DTNBP1: variants seen among roughly 807,000 people sequenced by gnomAD.
DTNBP1 encodes dystrobrevin binding protein 1, also known as dysbindin.
DTNBP1 carries 35 observed loss-of-function variants against 42.8 expected under a neutral mutation model. The ratio of observed to expected loss-of-function variants is 0.82; its 90% confidence interval spans 0.63 to 1.09. The LOEUF (loss-of-function observed/expected upper bound fraction) is 1.09, where lower values mean the gene tolerates loss of function less well. Among genes scored for constraint, DTNBP1 ranks in the 50% least tolerant of loss-of-function variants. The pLI is 0.00. For missense variants in DTNBP1, 457 were observed against 424.2 expected (o/e 1.08, Z -0.68); for synonymous variants, 171 against 162.2 (o/e 1.05, Z -0.41).
At chr6:15,579,907 C>A in intron 7 of DTNBP1, 1 of 450,720 alleles carries the variant, frequency 2.2e-6, no homozygotes. Context: ...ACTCATTACA[C>A]ATTACATATA....
chr6:15,579,678 G>A (rs1302785061), intron 7 of DTNBP1, among the ~76,000 whole-genome samples: 5 of 152,110 alleles, frequency 3.3e-5, no homozygotes, highest in African/African-American at 7.2e-5. Context: ...GGTGGCAGGC[G>A]CCTGTAATCC....
At chr6:15,632,571 GC>G (rs1223808579) in intron 4 of DTNBP1, among the ~76,000 whole-genome samples, 1 of 152,170 alleles carries the variant, frequency 6.6e-6, no homozygotes, top group African/African-American at 2.4e-5. Context: ...AGAGAATTTA[GC>G]AAGATGGCCG....
At chr6:15,555,582 A>G (rs1774465987) in intron 7 of DTNBP1, among the ~76,000 whole-genome samples, 1 of 152,222 alleles carries the variant, frequency 6.6e-6, no homozygotes, top group Non-Finnish European at 1.5e-5. Flanking sequence ...ACAATGCATT[A>G]GCATGCTAAA....
In DTNBP1 at chr6:15,652,128, T is replaced by TA. The variant is rs1208160499; in HGVS notation, c.68dup (p.Leu23PhefsTer3). The TA allele has an allele frequency of 1.9e-6, 3 of 1,611,156 alleles. No homozygotes were observed. The highest frequency in any genetic ancestry group is 1.7e-5 in the Admixed American group (1 of 60,014). On this transcript the variant is annotated frameshift_variant, in exon 2 of 10. Transcript: ENST00000344537. LOFTEE classifies it high-confidence loss of function. ...CTTTTGCTTCTCTTGACTTGTCACT[T>TA]AAAGTCTTCAGCCTATAATTCAATA...
At chr6:15,630,826 G>A (rs1759653683) in intron 4 of DTNBP1, among the ~76,000 whole-genome samples, 1 of 152,164 alleles carries the variant, frequency 6.6e-6, no homozygotes. Flanking sequence ...GCTGAGGCAG[G>A]AGAATCGCTT....
At chr6:15,662,137 C>A (rs1042110980) in intron 1 of DTNBP1, among the ~76,000 whole-genome samples, 33 of 152,366 alleles carry the variant, frequency 2.2e-4, no homozygotes, top group Middle Eastern at 3.4e-3. Context: ...CCAGGTGATT[C>A]TAAGCAAAGT....
At position 15,529,889 on chromosome 6, in the gene DTNBP1, T is replaced by TGGTG. The variant is rs34126053; in HGVS notation, c.667+3347_667+3350dup. Among the ~76,000 whole-genome samples the TGGTG allele has an allele frequency of 1.6e-3, 240 of 151,820 alleles. 2 individuals carry two copies. The Middle Eastern group carries it at 0.021, about 13-fold the overall frequency. On this transcript the variant is annotated intron_variant, in intron 8 of 9. Coordinates refer to ENST00000344537, the MANE Select transcript of DTNBP1 (RefSeq NM_032122.5). ...GGCATGGAGAGGCCTGTGGGGCATG[T>TGGTG]GGTGGGGCCCAGGCCCCCTCTGCTG... is the stretch of plus-strand genomic sequence containing the variant.
At chr6:15,549,843 T>A (rs939637837) in intron 7 of DTNBP1, among the ~76,000 whole-genome samples, 2 of 152,222 alleles carry the variant, frequency 1.3e-5, no homozygotes, top group African/African-American at 4.8e-5. Context: ...TGCATTTTCA[T>A]AGGACACTAC....
intron 7 of DTNBP1, chr6:15,579,850 A>G (rs1775747518): frequency 2.2e-6 from 1 of 455,472 alleles, no homozygotes; most frequent in Non-Finnish European, 4.4e-6. Context: ...AATGTTCTCA[A>G]TGCAAAGAAA....
chr6:15,558,300 C>G (rs1774641485), intron 7 of DTNBP1, among the ~76,000 whole-genome samples: 1 of 145,294 alleles, frequency 6.9e-6, no homozygotes, highest in South Asian at 2.2e-4. Flanking sequence ...GAGACGGAGT[C>G]TCTGTCGCCA....
intron 9 of DTNBP1, chr6:15,524,188 C>T: frequency 6.8e-7 from 1 of 1,474,908 alleles, no homozygotes; most frequent in Non-Finnish European, 9.0e-7. Context: ...GCAGGAGAGT[C>T]CGCACCTCCC....
At chr6:15,578,942 G>A (rs1026102410) in intron 7 of DTNBP1, among the ~76,000 whole-genome samples, 3 of 152,224 alleles carry the variant, frequency 2.0e-5, no homozygotes, top group African/African-American at 7.2e-5. Context: ...CTTAGACACT[G>A]TTGGTCAGAC....
intron 6 of DTNBP1, chr6:15,615,057 T>A: frequency 1.4e-6 from 1 of 734,286 alleles, no homozygotes; most frequent in Non-Finnish European, 2.4e-6. Flanking sequence ...TTGGGATTCA[T>A]GTTTTACCTT....
chr6:15,590,058 A>G (rs894377684), intron 7 of DTNBP1, among the ~76,000 whole-genome samples: 3 of 151,994 alleles, frequency 2.0e-5, no homozygotes, highest in African/African-American at 7.3e-5. Context: ...CCAGCCTCCC[A>G]AGTAGCTGGG....
At chr6:15,556,138 T>G (rs1366263445) in intron 7 of DTNBP1, among the ~76,000 whole-genome samples, 3 of 152,166 alleles carry the variant, frequency 2.0e-5, no homozygotes, top group Non-Finnish European at 2.9e-5. Flanking sequence ...AATGCCCAAT[T>G]TAGCAGGGTT....
At chr6:15,549,387 A>G (rs2113403686) in intron 7 of DTNBP1, among the ~76,000 whole-genome samples, 1 of 150,836 alleles carries the variant, frequency 6.6e-6, no homozygotes, top group Admixed American at 6.6e-5. Flanking sequence ...CGGGAGGCCG[A>G]GACAGGTGAG....
chr6:15,615,914 T>A (rs73371582), intron 5 of DTNBP1, among the ~76,000 whole-genome samples: 3,889 of 152,348 alleles, frequency 0.026, 183 homozygotes, highest in African/African-American at 0.088. Context: ...TTGGTAAGCA[T>A]GAGTTACCAG....
intron 7 of DTNBP1, among the ~76,000 whole-genome samples, chr6:15,584,884 T>C (rs1470263690): frequency 6.7e-6 from 1 of 148,774 alleles, no homozygotes; most frequent in East Asian, 1.9e-4. Context: ...TACAATAAAT[T>C]ACTCAACAAA....
intron 7 of DTNBP1, among the ~76,000 whole-genome samples, chr6:15,555,039 G>A (rs1272064613): frequency 6.6e-6 from 1 of 151,462 alleles, no homozygotes; most frequent in African/African-American, 2.4e-5. Flanking sequence ...GCCAGGGAGG[G>A]GGGCATATGA....
Sources: gnomAD v4.1 joint callset for allele counts (sites outside exome capture counted in the v4.1 genomes callset) on GRCh38, gnomAD v4.1.1 for gene constraint, MANE v1.5 for transcripts, NCBI Gene and HGNC (gene_info 2026-07-23, HGNC 2026-07-21) for gene names.